SLC39A13: variants seen among roughly 807,000 people sequenced by gnomAD.
The protein encoded by SLC39A13 is solute carrier family 39 member 13, also known as zinc transporter ZIP13.
In SLC39A13, 18 loss-of-function variants were observed where a neutral mutation model predicts 38.7. That is an observed-to-expected ratio of 0.47 (90% CI 0.32 to 0.69). The LOEUF (loss-of-function observed/expected upper bound fraction) is 0.69. Ranked by LOEUF, SLC39A13 falls within the 30% of genes least tolerant of loss-of-function variation. SLC39A13 has a pLI of 0.03. For synonymous variants in SLC39A13, 212 were observed against 219.1 expected (o/e 0.97, Z 0.29); for missense variants, 395 against 490.7 (o/e 0.80, Z 1.84).
chr11:47,411,727 C>A (rs1219277340), intron 2 of SLC39A13, among the ~76,000 whole-genome samples, 199 bp from the exon 3 acceptor site: 1 of 152,280 alleles, frequency 6.6e-6, no homozygotes, highest in Non-Finnish European at 1.5e-5. Flanking sequence ...CCTGTCAGCT[C>A]TTCACCATGA....
upstream of SLC39A13, chr11:47,407,533 A>G (rs999702418): frequency 1.3e-5 from 2 of 152,268 alleles, no homozygotes; most frequent in Non-Finnish European, 2.9e-5. Context: ...TCTCTGCCCA[A>G]GTGAGTACCC....
chr11:47,411,971 G>T lies in SLC39A13; in HGVS notation c.347G>T (p.Gly116Val). ...LKQLLSFALG[G>V]LLGNVFLHLL... Reference sequence around the variant, plus strand: ...CAGCTGCTCAGCTTCGCCCTGGGGGGACTCTTGGGCAATGTGTTTCTGCAT... The same window carrying T: ...CAGCTGCTCAGCTTCGCCCTGGGGGTACTCTTGGGCAATGTGTTTCTGCAT... Residue 116 changes from glycine to valine, a missense_variant, in exon 3 of 10, where the codon GGA (glycine) becomes GTA (valine). Gly to Val is a moderately radical substitution (Grantham distance 109). Transcript: ENST00000362021. The T allele has an allele frequency of 1.2e-6, 2 of 1,613,982 alleles. No homozygotes were observed. The highest frequency in any genetic ancestry group is 1.7e-6 in the Non-Finnish European group (2 of 1,179,990).
At position 47,415,393 on chromosome 11, in the gene SLC39A13, T is replaced by A; in HGVS notation, c.*30T>A. 1 of 1,611,174 alleles carries A rather than the reference T, an allele frequency of 6.2e-7. No homozygotes were observed. ...CCCTGATGCCGACGCCCCTGCCCCC[T>A]GCAGCAATAAGATGCTCGGATTCAC... On this transcript the variant is annotated 3_prime_UTR_variant, in exon 10 of 10. Coordinates refer to ENST00000362021, the MANE Select transcript of SLC39A13 (RefSeq NM_001128225.3).
intron 2 of SLC39A13, 100 bp from the exon 3 acceptor site, chr11:47,411,826 C>A (rs1484402353): frequency 1.7e-6 from 2 of 1,182,466 alleles, no homozygotes; most frequent in African/African-American, 1.5e-5. Context: ...CCATATCCAG[C>A]CTTGCAGGCC....
At chr11:47,412,161 G>A in intron 3 of SLC39A13, 122 bp downstream of exon 3, 1 of 1,268,712 alleles carries the variant, frequency 7.9e-7, no homozygotes, top group East Asian at 2.5e-5. Context: ...GCTTGCCTGG[G>A]AGGGAGGGAG....
upstream of SLC39A13, chr11:47,407,309 C>T (rs1321623306): frequency 6.6e-6 from 1 of 152,220 alleles, no homozygotes; most frequent in African/African-American, 2.4e-5. Flanking sequence ...GGACAGAAAG[C>T]TTCAGAAGAC....
Position 47,414,824 on chromosome 11 carries a change from C to T in SLC39A13, c.834C>T (p.Ser278=), listed in dbSNP as rs1157780502. The T allele has an allele frequency of 5.6e-6, 9 of 1,611,916 alleles. No homozygotes were observed. Among genetic ancestry groups the T allele is most frequent in the Admixed American group, 3.3e-5 (2 of 60,012 alleles). ...ILLRAGFDRW[S]AAKLQLSTAL... is the part of the protein sequence containing the mutation. ...TCCGGGCCGGCTTTGACCGATGGAG[C>T]GCAGCCAAGCTGCAACTCTCAACAG... The change falls in exon 8 of 10, where the codon AGC becomes AGT. Residue 278 remains serine (S), a synonymous_variant. Coordinates refer to ENST00000362021, the MANE Select transcript of SLC39A13 (RefSeq NM_001128225.3).
chr11:47,409,967 C>T (rs2153289877), intron 1 of SLC39A13, 120 bp from the exon 2 acceptor site: 3 of 1,214,854 alleles, frequency 2.5e-6, no homozygotes, highest in African/African-American at 1.5e-5. Flanking sequence ...GACGCTCTGG[C>T]AAGGACAGCA....
chr11:47,413,626 C>T lies in SLC39A13; in HGVS notation c.675C>T (p.Asn225=). The T allele has an allele frequency of 6.2e-7, 1 of 1,614,264 alleles. No individual in the cohort carries two copies. Among genetic ancestry groups the T allele is most frequent in the Non-Finnish European group, 8.5e-7 (1 of 1,180,056 alleles). Residue 225 remains asparagine (N), a synonymous_variant, in exon 6 of 10, where the codon AAC becomes AAT. Transcript: ENST00000362021. The part of the protein sequence containing the change: ...KVSGYLNLLA[N]TIDNFTHGLA... ...GCGGCTACCTCAACCTGCTGGCCAACACCATCGATAACTTCACCCACGGGC... is the reference window on the plus strand; with the variant it reads ...GCGGCTACCTCAACCTGCTGGCCAATACCATCGATAACTTCACCCACGGGC...
At chr11:47,413,714 TG>T (rs1431883119) in intron 6 of SLC39A13, 28 bp downstream of exon 6, 1 of 1,609,468 alleles carries the variant, frequency 6.2e-7, no homozygotes. Flanking sequence ...AGTGGGGCTC[TG>T]GCGATTCCAG....
Position 47,413,650 on chromosome 11 carries a change from G to A in SLC39A13, c.699G>A (p.Gly233=). The A allele has an allele frequency of 6.2e-7, 1 of 1,614,190 alleles. No homozygotes were observed. The highest frequency in any genetic ancestry group is 8.5e-7 in the Non-Finnish European group (1 of 1,180,028). ...ACACCATCGATAACTTCACCCACGGGCTGGCTGTGGCTGCCAGCTTCCTTG... is the reference window on the plus strand; with the variant it reads ...ACACCATCGATAACTTCACCCACGGACTGGCTGTGGCTGCCAGCTTCCTTG... ...LANTIDNFTH[G]LAVAASFLVS... Residue 233 remains glycine (G), a synonymous_variant, in exon 6 of 10, where the codon GGG becomes GGA. Transcript: ENST00000362021.
chr11:47,408,733 C>A, intron 1 of SLC39A13, 71 bp downstream of exon 1: 1 of 152,758 alleles, frequency 6.5e-6, no homozygotes, highest in South Asian at 1.9e-4. Flanking sequence ...TCGCCCCGTC[C>A]GACTGGTCCT....
At chr11:47,412,528 C>T in intron 4 of SLC39A13, 61 bp downstream of exon 4, 1 of 1,611,142 alleles carries the variant, frequency 6.2e-7, no homozygotes. Flanking sequence ...GTGCCCGGGG[C>T]CTGGAGGCCC....
At position 47,413,404 on chromosome 11, in the gene SLC39A13, C is replaced by A. The variant is rs776239751; in HGVS notation, c.542C>A (p.Pro181His). 1 of 1,614,116 alleles carries A rather than the reference C, an allele frequency of 6.2e-7. No individual in the cohort carries two copies. Among genetic ancestry groups the A allele is most frequent in the Admixed American group, 1.7e-5 (1 of 60,022 alleles). The change falls in exon 5 of 10, where the codon CCC (proline) becomes CAC (histidine). Residue 181 changes from proline to histidine, a missense_variant. By Grantham distance (77) the Pro-to-His change is moderately conservative. Transcript: ENST00000362021. ...CCCTCCTTCTCCTGGCCCTAGGCCCCCAACAAAGACCCCACTGCTGCTGCC... is the reference window on the plus strand; with the variant it reads ...CCCTCCTTCTCCTGGCCCTAGGCCCACAACAAAGACCCCACTGCTGCTGCC... ...DSKEEGTSQA[P>H]NKDPTAAAAA...
At position 47,412,052 on chromosome 11, in the gene SLC39A13, A is replaced by G; in HGVS notation, c.415+13A>G. ...AGCGCCAGCCCTGGTAAGTGAGGCC[A>G]CACGCCAGGGGCAAGACAGTGCCAG... On this transcript the variant is annotated intron_variant, in intron 3 of 9. Transcript: ENST00000362021. 6.2e-7 allele frequency: 1 copy of G among 1,600,416 alleles called. No homozygotes were observed. Among genetic ancestry groups the G allele is most frequent in the South Asian group, 1.1e-5 (1 of 88,952 alleles).
In SLC39A13 at chr11:47,412,507, G is replaced by A. The variant is rs756545165; in HGVS notation, c.537+40G>A. The A allele has an allele frequency of 4.3e-6, 7 of 1,613,416 alleles. No individual in the cohort carries two copies. The South Asian group carries it at 7.7e-5, about 18-fold the overall frequency. Reference sequence around the variant, plus strand: ...CAAGGGCCTGGATATATCAGCCTCTGTTCTGTGGTAGTGCCCGGGGCCTGG... The same window carrying A: ...CAAGGGCCTGGATATATCAGCCTCTATTCTGTGGTAGTGCCCGGGGCCTGG... On this transcript the variant is annotated intron_variant, in intron 4 of 9. Transcript: ENST00000362021.
At chr11:47,414,322 C>A (rs2096014721) in intron 6 of SLC39A13, 103 bp from the exon 7 acceptor site, 3 of 1,384,770 alleles carry the variant, frequency 2.2e-6, no homozygotes, top group African/African-American at 1.4e-5. Context: ...CAGTGCCCAC[C>A]CAGAGCCAGC....
At chr11:47,410,469 C>G (rs1397855337) in intron 2 of SLC39A13, 74 bp downstream of exon 2, 1 of 1,563,342 alleles carries the variant, frequency 6.4e-7, no homozygotes, top group Admixed American at 1.7e-5. Context: ...TTAGGAGACC[C>G]CAGGTCACAG....
chr11:47,408,329 G>A (rs938049650), upstream of SLC39A13, among the ~76,000 whole-genome samples: 1 of 152,068 alleles, frequency 6.6e-6, no homozygotes, highest in African/African-American at 2.4e-5. Context: ...TTCCGTCCCT[G>A]CCCAGCCTGG....
Sources: gnomAD v4.1 joint callset for allele counts (sites outside exome capture counted in the v4.1 genomes callset) on GRCh38, gnomAD v4.1.1 for gene constraint, MANE v1.5 for transcripts, NCBI Gene and HGNC (gene_info 2026-07-23, HGNC 2026-07-21) for gene names.